The following PPP3CA variants were observed in gnomAD, a reference collection of about 807,000 sequenced individuals.
PPP3CA encodes protein phosphatase 3 catalytic subunit alpha.
Under a neutral mutation model 66.5 loss-of-function variants are expected in PPP3CA, and 14 were observed. The observed-to-expected ratio is 0.21, with a 90% CI of 0.14 to 0.33. The LOEUF (loss-of-function observed/expected upper bound fraction) is 0.33. Among genes scored for constraint, PPP3CA ranks in the 10% least tolerant of loss-of-function variants. The probability of loss-of-function intolerance (pLI) is 1.00; values close to 1 mark genes in which losing one functional copy is unlikely to be tolerated. For missense variants in PPP3CA, 317 were observed against 639.5 expected, an observed-to-expected ratio of 0.50 and a Z score of 5.44; for synonymous variants, 232 against 226.2, an observed-to-expected ratio of 1.03 and a Z score of -0.23.
At chr4:101,280,414 G>C (rs987402424) in intron 1 of PPP3CA, among the ~76,000 whole-genome samples, 1 of 152,140 alleles carries the variant, frequency 6.6e-6, no homozygotes, top group Non-Finnish European at 1.5e-5. Flanking sequence ...ACAAGGGAAA[G>C]CAAGAGTCTG....
chr4:101,157,193 A>T (rs1236756520), intron 2 of PPP3CA, among the ~76,000 whole-genome samples: 2 of 152,164 alleles, frequency 1.3e-5, no homozygotes, highest in Non-Finnish European at 2.9e-5. Flanking sequence ...ATTCTCACTT[A>T]GTAAGTGATG....
intron 1 of PPP3CA, among the ~76,000 whole-genome samples, chr4:101,311,134 A>C (rs1032277920): frequency 6.6e-6 from 1 of 152,206 alleles, no homozygotes; most frequent in Non-Finnish European, 1.5e-5. Context: ...TTAAACTCCA[A>C]GAGATCAATT....
At chr4:101,062,440 A>G (rs1395774384) in intron 9 of PPP3CA, among the ~76,000 whole-genome samples, 1 of 151,936 alleles carries the variant, frequency 6.6e-6, no homozygotes, top group Non-Finnish European at 1.5e-5. Context: ...GAACATCATT[A>G]CTCTGATACT....
intron 2 of PPP3CA, among the ~76,000 whole-genome samples, chr4:101,140,603 T>C (rs1416335356): frequency 6.6e-6 from 1 of 152,214 alleles, no homozygotes; most frequent in Non-Finnish European, 1.5e-5. Context: ...TGGGCCCTAA[T>C]ATGTTTATAT....
intron 2 of PPP3CA, among the ~76,000 whole-genome samples, chr4:101,165,348 TA>T (rs1336477962): frequency 6.6e-6 from 1 of 152,194 alleles, no homozygotes; most frequent in Admixed American, 6.6e-5. Context: ...ATGCCATTTT[TA>T]AATATAGACT....
intron 2 of PPP3CA, among the ~76,000 whole-genome samples, chr4:101,113,448 T>C (rs1170285106): frequency 6.6e-6 from 1 of 152,114 alleles, no homozygotes; most frequent in Non-Finnish European, 1.5e-5. Context: ...CTTTCATTGC[T>C]CATTCTAGGT....
At chr4:101,332,111 T>C (rs888649171) in intron 1 of PPP3CA, among the ~76,000 whole-genome samples, 1 of 152,132 alleles carries the variant, frequency 6.6e-6, no homozygotes, top group Non-Finnish European at 1.5e-5. Context: ...CTGGGATGGG[T>C]GGTGGTGACA....
intron 6 of PPP3CA, among the ~76,000 whole-genome samples, chr4:101,089,758 T>C (rs1226668104): frequency 1.3e-5 from 2 of 152,124 alleles, no homozygotes; most frequent in African/African-American, 4.8e-5. Flanking sequence ...ATTATAGGTA[T>C]TATTTGAGTG....
chr4:101,079,528 G>A (rs1259772928), intron 8 of PPP3CA, among the ~76,000 whole-genome samples: 2 of 151,876 alleles, frequency 1.3e-5, no homozygotes, highest in Admixed American at 6.6e-5. Flanking sequence ...ACAGGCACTC[G>A]CCACCACGGC....
intron 1 of PPP3CA, among the ~76,000 whole-genome samples, chr4:101,210,088 T>A (rs1338529319): frequency 1.3e-5 from 2 of 152,046 alleles, no homozygotes; most frequent in African/African-American, 4.8e-5. Flanking sequence ...CTCAAAAGAG[T>A]CTGTGACCCA....
intron 1 of PPP3CA, among the ~76,000 whole-genome samples, chr4:101,335,927 G>A (rs990778683): frequency 1.3e-5 from 2 of 152,180 alleles, no homozygotes; most frequent in South Asian, 2.1e-4. Flanking sequence ...GAAACTGGCC[G>A]GGCATGGTGG....
At chr4:101,324,638 A>G (rs1050281176) in intron 1 of PPP3CA, among the ~76,000 whole-genome samples, 6 of 152,120 alleles carry the variant, frequency 3.9e-5, no homozygotes, top group African/African-American at 7.2e-5. Context: ...TTGGTATTCC[A>G]TATCTCCCTG....
At chr4:101,343,582 T>C (rs1729885593) in intron 1 of PPP3CA, among the ~76,000 whole-genome samples, 1 of 137,330 alleles carries the variant, frequency 7.3e-6, no homozygotes, top group African/African-American at 2.5e-5. Context: ...ATGTTTTCTC[T>C]GAATTTTTCT....
At chr4:101,027,255 T>TG (rs1243393497) in intron 13 of PPP3CA, among the ~76,000 whole-genome samples, 32 of 139,078 alleles carry the variant, frequency 2.3e-4, no homozygotes, top group East Asian at 9.9e-4. Context: ...CAACCTTATT[T>TG]GGGGGGGAAA....
chr4:101,092,061 G>T (rs1016551531), intron 6 of PPP3CA, among the ~76,000 whole-genome samples: 1 of 151,988 alleles, frequency 6.6e-6, no homozygotes, highest in Admixed American at 6.6e-5. Flanking sequence ...GAGGTGACAC[G>T]ATAGGAAGAC....
intron 10 of PPP3CA, among the ~76,000 whole-genome samples, chr4:101,048,088 GTT>G (rs1321153125): frequency 6.6e-6 from 1 of 152,010 alleles, no homozygotes; most frequent in Non-Finnish European, 1.5e-5. Context: ...TGCCCCAGAG[GTT>G]TTTATAGCTC....
intron 1 of PPP3CA, among the ~76,000 whole-genome samples, chr4:101,305,073 AG>A (rs1417090031): frequency 6.6e-6 from 1 of 152,226 alleles, no homozygotes; most frequent in Non-Finnish European, 1.5e-5. Flanking sequence ...GGAGACATTC[AG>A]GCTTTGCAGG....
At chr4:101,194,075 C>G (rs1262199841) in intron 2 of PPP3CA, among the ~76,000 whole-genome samples, 1 of 152,166 alleles carries the variant, frequency 6.6e-6, no homozygotes. Context: ...CAGTAACTTA[C>G]AGAGTAAGTC....
At chr4:101,131,913 AC>A (rs1722454429) in intron 2 of PPP3CA, among the ~76,000 whole-genome samples, 1 of 152,246 alleles carries the variant, frequency 6.6e-6, no homozygotes. Flanking sequence ...CTCTCAGACC[AC>A]AGTGCAATCA....
Sources: gnomAD v4.1 joint callset for allele counts (sites outside exome capture counted in the v4.1 genomes callset) on GRCh38, gnomAD v4.1.1 for gene constraint, MANE v1.5 for transcripts, NCBI Gene and HGNC (gene_info 2026-07-23, HGNC 2026-07-21) for gene names.